Variants in KANSL2 observed in about 807,000 individuals in gnomAD.
KANSL2 encodes the protein KAT8 regulatory NSL complex subunit 2, also known as NSL complex protein NSL2.
Under a neutral mutation model 55.6 loss-of-function variants are expected in KANSL2, and 34 were observed. The observed-to-expected ratio is 0.61, with a 90% CI of 0.46 to 0.81. The LOEUF is 0.81. KANSL2 is among the 40% of genes least tolerant of loss of function. The pLI is 0.00. For missense variants in KANSL2, 502 were observed against 609.9 expected (o/e 0.82, Z 1.86); for synonymous variants, 209 against 214.3 (o/e 0.98, Z 0.22).
rs934854001 is a variant in KANSL2 at position 48,654,038 on chromosome 12, A to C, written c.*6T>G. On this transcript the variant is annotated 3_prime_UTR_variant, in exon 10 of 10. Transcript: ENST00000420613. ...ATCCACCAAAGTAAAATGGTTCCCC[A>C]AACTATCAACTAATAGAAGTGGGTT... 14 of 1,570,022 alleles carry C rather than the reference A, an allele frequency of 8.9e-6. No homozygotes were observed. The highest frequency in any genetic ancestry group is 2.1e-5 in the Admixed American group (1 of 48,368).
intron 7 of KANSL2, among the ~76,000 whole-genome samples, chr12:48,664,480 G>A (rs543250135): frequency 1.3e-3 from 194 of 151,146 alleles, no homozygotes; most frequent in African/African-American, 4.5e-3. Flanking sequence ...GGGTTTTGCC[G>A]TGTTAGCCAG....
rs115594702 is a variant in KANSL2 at position 48,655,882 on chromosome 12, A to G, written c.1228-822T>C. On this transcript the variant is annotated intron_variant, in intron 8 of 9. Transcript: ENST00000420613. The stretch of plus-strand genomic sequence containing the variant: ...TCAAGACCAGCCTGGGTGACACAGC[A>G]AGACTCCATCTCTACCTACCCACCT... Among the ~76,000 whole-genome samples, 200 of 152,294 alleles carry G rather than the reference A, an allele frequency of 1.3e-3. 1 individual carries two copies. In the Middle Eastern group the frequency reaches 0.02, roughly 16 times the overall value.
chr12:48,670,584 T>C (rs1263797879), intron 5 of KANSL2, among the ~76,000 whole-genome samples: 1 of 152,084 alleles, frequency 6.6e-6, no homozygotes, highest in African/African-American at 2.4e-5. Flanking sequence ...TATAGGGATA[T>C]AAAAAAAATT....
At chr12:48,660,062 T>C (rs898738900) in intron 8 of KANSL2, among the ~76,000 whole-genome samples, 2 of 152,170 alleles carry the variant, frequency 1.3e-5, no homozygotes, top group African/African-American at 4.8e-5. Context: ...TGAAATTAGA[T>C]AGTGGTGGTA....
intron 4 of KANSL2, among the ~76,000 whole-genome samples, chr12:48,674,740 A>C (rs946829967): frequency 1.3e-5 from 2 of 152,106 alleles, no homozygotes; most frequent in African/African-American, 2.4e-5. Context: ...AGCCTGGCCA[A>C]CATGGCAAAA....
At chr12:48,677,985 T>C (rs548970293) in intron 4 of KANSL2, among the ~76,000 whole-genome samples, 4 of 152,164 alleles carry the variant, frequency 2.6e-5, no homozygotes, top group African/African-American at 9.6e-5. Context: ...AACGTAACCC[T>C]AACATACGGC....
chr12:48,678,953 G>A (rs1217310598), intron 4 of KANSL2, 83 bp downstream of exon 4: 21 of 952,512 alleles, frequency 2.2e-5, no homozygotes, highest in South Asian at 7.2e-5. Context: ...ACCCTCCTAG[G>A]TTACTAATTT....
chr12:48,672,433 A>ATATATATATATTT (rs371918890), intron 4 of KANSL2, among the ~76,000 whole-genome samples: 1 of 120,384 alleles, frequency 8.3e-6, no homozygotes, highest in Non-Finnish European at 1.6e-5. Context: ...ATATATATAT[A>ATATATATATATTT]TTTTTTTTTT....
At chr12:48,665,968 T>C (rs1417834346) in intron 7 of KANSL2, among the ~76,000 whole-genome samples, 1 of 151,956 alleles carries the variant, frequency 6.6e-6, no homozygotes, top group Non-Finnish European at 1.5e-5. Flanking sequence ...ATCCTAGCAC[T>C]TTGGGAGGCT....
intron 4 of KANSL2, among the ~76,000 whole-genome samples, chr12:48,678,574 T>C (rs1423253369): frequency 6.6e-6 from 1 of 152,214 alleles, no homozygotes; most frequent in Non-Finnish European, 1.5e-5. Flanking sequence ...CTGTACCCCA[T>C]ACATTGTACA....
chr12:48,679,703 C>A lies in KANSL2; in HGVS notation c.382G>T (p.Gly128Trp), dbSNP rs781702090. 1 of 1,613,452 alleles carries A rather than the reference C, an allele frequency of 6.2e-7. No homozygotes were observed. Among genetic ancestry groups the A allele is most frequent in the Non-Finnish European group, 8.5e-7 (1 of 1,179,694 alleles). ...QLSSYAKTEL[G>W]SQTPESSRSE... The stretch of plus-strand genomic sequence containing the variant: ...CGACTACTTTCTGGAGTCTGAGACC[C>A]CAGCTCTGTCTTAGCATATGAGCTC... The change falls in exon 3 of 10, where the codon GGG (glycine) becomes TGG (tryptophan). Residue 128 changes from glycine to tryptophan, a missense_variant. Transcript: ENST00000420613.
chr12:48,662,127 C>T (rs36119652), intron 7 of KANSL2, among the ~76,000 whole-genome samples: 2,768 of 152,208 alleles, frequency 0.018, 91 homozygotes, highest in African/African-American at 0.063. Context: ...TTTTTTTACA[C>T]GAAGTCTCGC....
intron 5 of KANSL2, among the ~76,000 whole-genome samples, chr12:48,670,221 C>T (rs1939685353): frequency 2.7e-5 from 4 of 148,408 alleles, no homozygotes; most frequent in Non-Finnish European, 4.5e-5. Flanking sequence ...AAAAATCTAG[C>T]ACCTACAATT....
intron 6 of KANSL2, 93 bp from the exon 7 acceptor site, chr12:48,667,882 G>T: frequency 2.2e-6 from 2 of 916,700 alleles, no homozygotes. Flanking sequence ...ACATCCTAAA[G>T]GCTAGAAATT....
At chr12:48,669,018 C>T (rs570054246) in intron 6 of KANSL2, 88 bp downstream of exon 6, 11 of 1,058,754 alleles carry the variant, frequency 1.0e-5, no homozygotes, top group South Asian at 4.1e-5. Context: ...CACTCCAGCC[C>T]GAGTGACAGT....
chr12:48,672,381 A>G (rs1257382225), intron 4 of KANSL2, among the ~76,000 whole-genome samples: 3 of 144,204 alleles, frequency 2.1e-5, no homozygotes, highest in African/African-American at 7.7e-5. Flanking sequence ...ATATACGTAT[A>G]TATATATACA....
intron 8 of KANSL2, among the ~76,000 whole-genome samples, chr12:48,658,404 A>C (rs1939429561): frequency 6.6e-6 from 1 of 152,230 alleles, no homozygotes; most frequent in Admixed American, 6.5e-5. Context: ...AAAATCAGCA[A>C]AAATGCCTAT....
In KANSL2 at chr12:48,682,217, G is replaced by C. The variant is rs1939945162; in HGVS notation, c.-40C>G. 1.5e-6 allele frequency: 1 copy of C among 647,684 alleles called. No individual in the cohort carries two copies. Among genetic ancestry groups the C allele is most frequent in the African/African-American group, 1.8e-5 (1 of 55,442 alleles). The allele number at this position is 647,684 out of a possible 1,614,324, so 40.1% of individuals were successfully genotyped here. ...GAGCTGCGCTGCGCCGCACTCTGCCGCGCCGCTCGCCCTTCTCTAGTGGCG... is the reference window on the plus strand; with the variant it reads ...GAGCTGCGCTGCGCCGCACTCTGCCCCGCCGCTCGCCCTTCTCTAGTGGCG... On this transcript the variant is annotated 5_prime_UTR_variant, in exon 1 of 10. Transcript: ENST00000420613.
In KANSL2 at chr12:48,653,843, C is replaced by T. The variant is rs1296374089; in HGVS notation, c.*201G>A. On this transcript the variant is annotated 3_prime_UTR_variant, in exon 10 of 10. Coordinates refer to ENST00000420613, the MANE Select transcript of KANSL2 (RefSeq NM_017822.4). ...CCAGAAGCTTTGATAGGGATTATCT[C>T]TCTTTCTCTTCCTTGCCCTGAGTGG... The T allele has an allele frequency of 1.1e-5, 5 of 458,776 alleles. No homozygotes were observed. The highest frequency in any genetic ancestry group is 1.9e-5 in the Non-Finnish European group (5 of 263,654). The allele number at this position is 458,776 out of a possible 1,614,324, so 28.4% of individuals were successfully genotyped here. A position where few individuals can be genotyped will look rare whatever the true frequency, so the allele number is the denominator to read the frequency against.
Sources: gnomAD v4.1 joint callset for allele counts (sites outside exome capture counted in the v4.1 genomes callset) on GRCh38, gnomAD v4.1.1 for gene constraint, MANE v1.5 for transcripts, NCBI Gene and HGNC (gene_info 2026-07-23, HGNC 2026-07-21) for gene names.